POGLUT1: variants seen among roughly 807,000 people sequenced by gnomAD.
The protein encoded by POGLUT1 is 9630046K23Rik.
Under a neutral mutation model 61.3 loss-of-function variants are expected in POGLUT1, and 32 were observed. The observed-to-expected ratio is 0.52, with a 90% CI of 0.39 to 0.70. The LOEUF is 0.70. Ranked by LOEUF, POGLUT1 falls within the 30% of genes least tolerant of loss-of-function variation. POGLUT1 has a pLI of 0.00. For synonymous variants in POGLUT1, 158 were observed against 158.2 expected, an observed-to-expected ratio of 1.00 and a Z score of 0.01; for missense variants, 411 against 469.8, an observed-to-expected ratio of 0.87 and a Z score of 1.16.
intron 5 of POGLUT1, 107 bp from the exon 6 acceptor site, chr3:119,485,221 A>AT (rs1173870990): frequency 2.6e-6 from 2 of 766,896 alleles, no homozygotes; most frequent in African/African-American, 3.6e-5. Context: ...CGTCTCAAAA[A>AT]AAAAAAAGAA....
At chr3:119,472,338 C>T (rs2081484245) in intron 3 of POGLUT1, among the ~76,000 whole-genome samples, 1 of 151,700 alleles carries the variant, frequency 6.6e-6, no homozygotes, top group East Asian at 1.9e-4. Flanking sequence ...TGCAGAGTTG[C>T]AAAAAATTAT....
At chr3:119,471,588 A>G (rs1045379949) in intron 3 of POGLUT1, 136 bp downstream of exon 3, 5 of 812,678 alleles carry the variant, frequency 6.2e-6, no homozygotes, top group Middle Eastern at 3.2e-4. Flanking sequence ...AATAGTGACG[A>G]GCTCTTCTCC....
chr3:119,484,435 C>T (rs1183639411), intron 5 of POGLUT1, among the ~76,000 whole-genome samples: 1 of 152,176 alleles, frequency 6.6e-6, no homozygotes, highest in Admixed American at 6.5e-5. Flanking sequence ...AATGATGCAT[C>T]TGTGAGCTAG....
At chr3:119,478,184 G>C (rs1229802710) in intron 4 of POGLUT1, 1 of 363,206 alleles carries the variant, frequency 2.8e-6, no homozygotes, top group Non-Finnish European at 5.4e-6. Flanking sequence ...GGCTAGAAGA[G>C]AGTGGATGGA....
In POGLUT1 at chr3:119,493,471, G is replaced by T. The variant is rs1160063199; in HGVS notation, c.*1033G>T. 1.3e-5 allele frequency: 2 copies of T among 152,104 alleles called. No individual in the cohort carries two copies. The highest frequency in any genetic ancestry group is 4.8e-5 in the African/African-American group (2 of 41,440). The allele number at this position is 152,104 out of a possible 1,614,324, so 9.4% of individuals were successfully genotyped here. ...GGGTAGTAGTTTAATATCTCAGGGTGCTCTTTCTAACATAGTAAAAAATGA... is the reference window on the plus strand; with the variant it reads ...GGGTAGTAGTTTAATATCTCAGGGTTCTCTTTCTAACATAGTAAAAAATGA... On this transcript the variant is annotated 3_prime_UTR_variant, in exon 11 of 11. Transcript: ENST00000295588.
rs781340872 is a variant in POGLUT1 at position 119,469,081 on chromosome 3, A to C, written c.60A>C (p.Ser20=). Residue 20 remains serine, a synonymous_variant, in exon 1 of 11, where the codon TCA becomes TCC. Coordinates refer to ENST00000295588, the MANE Select transcript of POGLUT1 (RefSeq NM_152305.3). The part of the protein sequence containing the change: ...RLWLLLFLLP[S]AQGRQKESGS... Reference sequence around the variant, plus strand: ...GGCTGCTGTTGTTCCTCCTGCCCTCAGCGCAGGGCCGCCAGAAGGAGTCAG... The same window carrying C: ...GGCTGCTGTTGTTCCTCCTGCCCTCCGCGCAGGGCCGCCAGAAGGAGTCAG... 9 of 1,608,360 alleles carry C rather than the reference A, an allele frequency of 5.6e-6. No homozygotes were observed. In the African/African-American group the frequency reaches 1.2e-4, roughly 21 times the overall value.
chr3:119,485,272 C>T (rs2081652041), intron 5 of POGLUT1, 56 bp from the exon 6 acceptor site: 1 of 1,063,190 alleles, frequency 9.4e-7, no homozygotes, highest in South Asian at 1.4e-5. Flanking sequence ...GGTTAAAGCA[C>T]ATTCTTATAT....
In POGLUT1 at chr3:119,475,811, C is replaced by CA. The variant is rs570304235; in HGVS notation, c.321-1487dup. Among the ~76,000 whole-genome samples, 450 of 122,890 alleles carry CA rather than the reference C, an allele frequency of 3.7e-3. 1 individual carries two copies. Among genetic ancestry groups the CA allele is most frequent in the Middle Eastern group, 0.015 (3 of 202 alleles). 80.6% of individuals were successfully genotyped at this position (122,890 alleles called of 152,430 possible). ...TGGGCCACAGAGCAAGGCTCCATCT[C>CA]AAAAAAAAAAAAAAATCTTGATAAA... On this transcript the variant is annotated intron_variant, in intron 3 of 10. Coordinates refer to ENST00000295588, the MANE Select transcript of POGLUT1 (RefSeq NM_152305.3).
At position 119,471,417 on chromosome 3, in the gene POGLUT1, A is replaced by G; in HGVS notation, c.285A>G (p.Arg95=). 1 of 1,614,078 alleles carries G rather than the reference A, an allele frequency of 6.2e-7. No individual in the cohort carries two copies. The highest frequency in any genetic ancestry group is 8.5e-7 in the Non-Finnish European group (1 of 1,179,936). ...CCCACTATCAGATCACTAAGAACAG[A>G]CTGTACCGGGAAAATGACTGCATGT... The part of the protein sequence containing the change: ...LGTHYQITKN[R]LYRENDCMFP... Residue 95 remains arginine (R), a synonymous_variant, in exon 3 of 11, where the codon AGA becomes AGG. Coordinates refer to ENST00000295588, the MANE Select transcript of POGLUT1 (RefSeq NM_152305.3).
chr3:119,470,914 A>G (rs1013999189), intron 2 of POGLUT1, among the ~76,000 whole-genome samples: 2 of 152,210 alleles, frequency 1.3e-5, no homozygotes, highest in Non-Finnish European at 2.9e-5. Flanking sequence ...TGTGGACCAG[A>G]CAGACCAGAA....
Position 119,470,544 on chromosome 3 carries a change from C to T in POGLUT1, c.176+634C>T, listed in dbSNP as rs1004365452. Among the ~76,000 whole-genome samples the T allele has an allele frequency of 4.6e-5, 7 of 152,292 alleles. No homozygotes were observed. The East Asian group carries it at 1.4e-3, about 29-fold the overall frequency. Reference sequence around the variant, plus strand: ...TGAATCCAGATCATGCCACTGCACCCCAGCCTGGGTGACAGAGTGAGACTC... The same window carrying T: ...TGAATCCAGATCATGCCACTGCACCTCAGCCTGGGTGACAGAGTGAGACTC... On this transcript the variant is annotated intron_variant, in intron 2 of 10. Transcript: ENST00000295588.
intron 3 of POGLUT1, among the ~76,000 whole-genome samples, chr3:119,472,908 G>T (rs1293917775): frequency 6.6e-6 from 1 of 152,158 alleles, no homozygotes; most frequent in Non-Finnish European, 1.5e-5. Context: ...GCATGTGTTT[G>T]TAGTCCTAGC....
In POGLUT1 at chr3:119,472,657, G is replaced by A. The variant is rs540234487; in HGVS notation, c.320+1205G>A. Among the ~76,000 whole-genome samples the A allele has an allele frequency of 4.2e-3, 645 of 152,238 alleles. 1 individual carries two copies. The highest frequency in any genetic ancestry group is 0.012 in the South Asian group (59 of 4,830). On this transcript the variant is annotated intron_variant, in intron 3 of 10. Coordinates refer to ENST00000295588, the MANE Select transcript of POGLUT1 (RefSeq NM_152305.3). ...CTTGAACCCAGGAGGCAGAGGTTGC[G>A]GTGAGCTGAGATTGTGCCATTGCAC...
chr3:119,473,383 C>G (rs2081498711), intron 3 of POGLUT1, among the ~76,000 whole-genome samples: 1 of 151,540 alleles, frequency 6.6e-6, no homozygotes, highest in Non-Finnish European at 1.5e-5. Context: ...GCACAATTCT[C>G]TTCTTCCTGA....
chr3:119,475,853 G>A (rs1414152991), intron 3 of POGLUT1, among the ~76,000 whole-genome samples: 1 of 151,668 alleles, frequency 6.6e-6, no homozygotes. Context: ...GGGCACAGTG[G>A]CTCTCACCTG....
At chr3:119,473,125 A>G (rs2081495679) in intron 3 of POGLUT1, among the ~76,000 whole-genome samples, 2 of 152,246 alleles carry the variant, frequency 1.3e-5, no homozygotes, top group African/African-American at 4.8e-5. Flanking sequence ...GCTATCAGAT[A>G]TCGGAGGAAA....
In POGLUT1 at chr3:119,480,059, G is replaced by A; in HGVS notation, c.465G>A (p.Glu155=). ...GTCTGTTTTTGTTGAAGACATCAGA[G>A]TACCATGATATCATGTATCCTGCTT... is the stretch of plus-strand genomic sequence containing the variant. ...IPVFSFSKTS[E]YHDIMYPAWT... Residue 155 remains glutamate, a synonymous_variant, in exon 5 of 11, where the codon GAG becomes GAA. Transcript: ENST00000295588. 1 of 1,613,698 alleles carries A rather than the reference G, an allele frequency of 6.2e-7. No individual in the cohort carries two copies.
Position 119,492,425 on chromosome 3 carries a change from A to T in POGLUT1, c.1166A>T (p.Lys389Ile). 6.2e-7 allele frequency: 1 copy of T among 1,600,694 alleles called. No individual in the cohort carries two copies. Among genetic ancestry groups the T allele is most frequent in the East Asian group, 2.3e-5 (1 of 44,126 alleles). Residue 389 changes from lysine to isoleucine, a missense_variant, in exon 11 of 11, where the codon AAA (lysine) becomes ATA (isoleucine). Coordinates refer to ENST00000295588, the MANE Select transcript of POGLUT1 (RefSeq NM_152305.3). ...GATCAAATTATTCCCAAAATGTTGA[A>T]AACTGAACTATAGTAGTCATCATAG... The part of the protein sequence containing the change: ...GYDQIIPKML[K>I]TEL
In POGLUT1 at chr3:119,490,672, C is replaced by G; in HGVS notation, c.919C>G (p.Pro307Ala). 2 of 1,614,070 alleles carry G rather than the reference C, an allele frequency of 1.2e-6. No homozygotes were observed. Among genetic ancestry groups the G allele is most frequent in the Non-Finnish European group, 1.7e-6 (2 of 1,179,968 alleles). Reference sequence around the variant, plus strand: ...AGAATTCTTCTATCCACAGCTGAAGCCATGGGTTCACTATATCCCAGTCAA... The same window carrying G: ...AGAATTCTTCTATCCACAGCTGAAGGCATGGGTTCACTATATCCCAGTCAA... ...WLEFFYPQLKPWVHYIPVKTD... is the reference protein window; with the variant it reads ...WLEFFYPQLKAWVHYIPVKTD... Residue 307 changes from proline to alanine, a missense_variant, in exon 9 of 11, where the codon CCA becomes GCA. Transcript: ENST00000295588.
Sources: gnomAD v4.1 joint callset for allele counts (sites outside exome capture counted in the v4.1 genomes callset) on GRCh38, gnomAD v4.1.1 for gene constraint, MANE v1.5 for transcripts, NCBI Gene and HGNC (gene_info 2026-07-23, HGNC 2026-07-21) for gene names.